Variants in SYPL2 observed in about 807,000 individuals in gnomAD.
SYPL2 encodes synaptophysin-like protein 2.
A neutral mutation model predicts 31.3 loss-of-function variants in SYPL2; 24 were observed. That is an observed-to-expected ratio of 0.77 (90% CI 0.56 to 1.08). The LOEUF is 1.08. Ranked by LOEUF, SYPL2 falls within the 50% of genes least tolerant of loss-of-function variation. The pLI is 0.00. For synonymous variants in SYPL2, 144 were observed against 143.1 expected (o/e 1.01, Z -0.05); for missense variants, 342 against 360.1 (o/e 0.95, Z 0.41).
chr1:109,466,921 C>T lies in SYPL2; in HGVS notation c.54+24C>T, dbSNP rs879334586. ...AGGTAGTCCCTGCGCGCCCAGGACTCTCACCCGCCCCTCTCCACCTAGATG... is the reference window on the plus strand; with the variant it reads ...AGGTAGTCCCTGCGCGCCCAGGACTTTCACCCGCCCCTCTCCACCTAGATG... On this transcript the variant is annotated intron_variant, in intron 1 of 5. Transcript: ENST00000369872. 11 of 1,531,574 alleles carry T rather than the reference C, an allele frequency of 7.2e-6. No individual in the cohort carries two copies. The African/African-American group carries it at 8.3e-5, about 12-fold the overall frequency. 94.9% of individuals were successfully genotyped at this position (1,531,574 alleles called of 1,614,324 possible). A position where few individuals can be genotyped will look rare whatever the true frequency, so the allele number is the denominator to read the frequency against.
Position 109,478,693 on chromosome 1 carries a change from A to C in SYPL2, c.648+684A>C, listed in dbSNP as rs569259777. On this transcript the variant is annotated intron_variant, in intron 5 of 5. Transcript: ENST00000369872. This position sits in a 1 kb window ranked among gnomAD's most constrained non-coding sequence, Gnocchi z 4.0. ...GGAACCCTGCTTATGGTTCCCCCCC[A>C]AAAAAATTTTATTGTAGAAATGTTC... 2.0e-5 allele frequency among the ~76,000 whole-genome samples: 3 copies of C among 152,062 alleles called. No individual in the cohort carries two copies. Among genetic ancestry groups the C allele is most frequent in the Non-Finnish European group, 2.9e-5 (2 of 68,008 alleles).
At chr1:109,468,787 C>T (rs1655737068) in intron 2 of SYPL2, among the ~76,000 whole-genome samples, 1 of 152,216 alleles carries the variant, frequency 6.6e-6, no homozygotes, top group Admixed American at 6.5e-5. Flanking sequence ...CTTCCCTCCA[C>T]GCAGCACTCC....
chr1:109,469,335 T>TGTTA (rs1478677928), intron 2 of SYPL2, among the ~76,000 whole-genome samples: 1 of 151,492 alleles, frequency 6.6e-6, no homozygotes, highest in Non-Finnish European at 1.5e-5. Context: ...AAGAAAGTAA[T>TGTTA]GTTATTCTTT....
chr1:109,473,433 G>C (rs778524255), intron 2 of SYPL2, among the ~76,000 whole-genome samples: 5 of 152,238 alleles, frequency 3.3e-5, no homozygotes, highest in Non-Finnish European at 7.3e-5. Context: ...ATGGAGATCT[G>C]CAAGGCCAGG....
At position 109,475,666 on chromosome 1, in the gene SYPL2, A is replaced by G; in HGVS notation, c.215A>G (p.Asp72Gly). ...GTTCGCTGCAACAACGAAGCCAAGGACGTGAGCTCCATCATCGTTGCATTT... is the reference window on the plus strand; with the variant it reads ...GTTCGCTGCAACAACGAAGCCAAGGGCGTGAGCTCCATCATCGTTGCATTT... Reference protein sequence around the residue: ...AMVRCNNEAKDVSSIIVAFGY... With the variant: ...AMVRCNNEAKGVSSIIVAFGY... The change falls in exon 3 of 6, where the codon GAC becomes GGC. Residue 72 changes from aspartate (D) to glycine (G), a missense_variant. Coordinates refer to ENST00000369872, the MANE Select transcript of SYPL2 (RefSeq NM_001040709.2). The G allele has an allele frequency of 8.7e-6, 14 of 1,614,134 alleles. No individual in the cohort carries two copies. The highest frequency in any genetic ancestry group is 1.2e-5 in the Non-Finnish European group (14 of 1,179,996).
At chr1:109,475,259 A>T in intron 2 of SYPL2, 1 of 210,688 alleles carries the variant, frequency 4.7e-6, no homozygotes, top group Non-Finnish European at 9.4e-6. Context: ...GTTTTGTGTT[A>T]GTCATCTTAA....
rs1656176325 is a variant in SYPL2, at chr1:109,482,052, G to A, written c.*2504G>A. 1 of 152,680 alleles carries A rather than the reference G, an allele frequency of 6.5e-6. No homozygotes were observed. Among genetic ancestry groups the A allele is most frequent in the Non-Finnish European group, 1.5e-5 (1 of 68,078 alleles). 9.5% of individuals were successfully genotyped at this position (152,680 alleles called of 1,614,324 possible). A position where few individuals can be genotyped will look rare whatever the true frequency, so the allele number is the denominator to read the frequency against. On this transcript the variant is annotated 3_prime_UTR_variant, in exon 6 of 6. Coordinates refer to ENST00000369872, the MANE Select transcript of SYPL2 (RefSeq NM_001040709.2). ...CTACTTCTGGGATTGCAGATCAGGG[G>A]TGGGGGGAGAATGTTGCATGTTGTT...
chr1:109,479,250 T>C (rs1656092224), intron 5 of SYPL2, 128 bp from the exon 6 acceptor site: 1 of 1,025,194 alleles, frequency 9.8e-7, no homozygotes, highest in South Asian at 1.5e-5. Flanking sequence ...CTCTCTGTCT[T>C]AGTCTTTCTA....
In SYPL2 at chr1:109,476,849, G is replaced by A; in HGVS notation, c.328G>A (p.Asp110Asn). Residue 110 changes from aspartate (D) to asparagine (N), a missense_variant, in exon 4 of 6, where the codon GAC becomes AAC. Physicochemically the swap from Asp to Asn is conservative, Grantham distance 23. Transcript: ENST00000369872. ...CTCCAAGACCATGCACCTCATGGGG[G>A]ACTTCTCTGCACCCGCCGAGTTCTT... ...SSSKTMHLMGDFSAPAEFFVT... is the reference protein window; with the variant it reads ...SSSKTMHLMGNFSAPAEFFVT... 1 of 1,614,176 alleles carries A rather than the reference G, an allele frequency of 6.2e-7. No homozygotes were observed. Among genetic ancestry groups the A allele is most frequent in the South Asian group, 1.1e-5 (1 of 91,080 alleles).
At chr1:109,471,436 G>T (rs547815264) in intron 2 of SYPL2, among the ~76,000 whole-genome samples, 6 of 152,244 alleles carry the variant, frequency 3.9e-5, no homozygotes, top group African/African-American at 9.6e-5. Context: ...ATTCAGGATT[G>T]TCAGAACCTC....
Position 109,479,869 on chromosome 1 carries a change from G to A in SYPL2, c.*321G>A, listed in dbSNP as rs747347610. 3.3e-6 allele frequency: 1 copy of A among 302,046 alleles called. No homozygotes were observed. Among genetic ancestry groups the A allele is most frequent in the Non-Finnish European group, 6.1e-6 (1 of 162,794 alleles). 18.7% of individuals were successfully genotyped at this position (302,046 alleles called of 1,614,324 possible). On this transcript the variant is annotated 3_prime_UTR_variant, in exon 6 of 6. Transcript: ENST00000369872. ...GCCTCTGCTGCAGGTGAGGGTTGGG[G>A]GCAGGAAACCAGTGCTCTGAGACTG...
intron 5 of SYPL2, 40 bp from the exon 6 acceptor site, chr1:109,479,338 C>A: frequency 1.2e-6 from 2 of 1,607,218 alleles, no homozygotes; most frequent in Non-Finnish European, 1.7e-6. Flanking sequence ...CCACAATGAC[C>A]CCCTGACTAT....
intron 2 of SYPL2, among the ~76,000 whole-genome samples, chr1:109,474,649 C>T (rs1386937168): frequency 1.3e-5 from 2 of 152,064 alleles, no homozygotes; most frequent in Non-Finnish European, 2.9e-5. Flanking sequence ...CCTCTCACCT[C>T]CTTTTCTAAC....
chr1:109,470,517 G>A (rs1416557613), intron 2 of SYPL2, among the ~76,000 whole-genome samples: 3 of 152,172 alleles, frequency 2.0e-5, no homozygotes, highest in Non-Finnish European at 2.9e-5. Flanking sequence ...GAAAATGACC[G>A]TCGCTGTCCC....
chr1:109,466,986 G>C (rs921015376), intron 1 of SYPL2, 73 bp from the exon 2 acceptor site: 3 of 1,536,594 alleles, frequency 2.0e-6, no homozygotes, highest in African/African-American at 2.7e-5. Context: ...CCGCGTGTGA[G>C]TGGGGCAAGG....
intron 2 of SYPL2, among the ~76,000 whole-genome samples, chr1:109,473,194 G>A (rs1052738453): frequency 1.3e-5 from 2 of 152,192 alleles, no homozygotes; most frequent in African/African-American, 4.8e-5. Flanking sequence ...ATGATGCAGA[G>A]GCTTCGAGTG....
In SYPL2 at chr1:109,466,728, G is replaced by C; in HGVS notation, c.-116G>C. 8.5e-7 allele frequency: 1 copy of C among 1,171,374 alleles called. No homozygotes were observed. Among genetic ancestry groups the C allele is most frequent in the East Asian group, 3.3e-5 (1 of 30,572 alleles). The allele number at this position is 1,171,374 out of a possible 1,614,324, so 72.6% of individuals were successfully genotyped here. On this transcript the variant is annotated 5_prime_UTR_variant, in exon 1 of 6. Coordinates refer to ENST00000369872, the MANE Select transcript of SYPL2 (RefSeq NM_001040709.2). Reference sequence around the variant, plus strand: ...GCCCACCGACGGCCGCTCGCGCTCCGGCCCCGCTCGCCTGCTCTGCCCCGG... The same window carrying C: ...GCCCACCGACGGCCGCTCGCGCTCCCGCCCCGCTCGCCTGCTCTGCCCCGG...
intron 4 of SYPL2, 110 bp downstream of exon 4, chr1:109,477,087 G>A (rs944409566): frequency 1.2e-5 from 16 of 1,317,818 alleles, no homozygotes; most frequent in Admixed American, 2.0e-5. Flanking sequence ...CCCCCATGGT[G>A]GAACCTCTGC....
chr1:109,467,045 CTG>C lies in SYPL2; in HGVS notation c.55-10_55-9del, dbSNP rs1655665146. ...CCCACCGCCCTGACCCCCCGGCCGG[CTG>C]TGTCTCCGCAGGTGGACCGCCTACT... On this transcript the variant is annotated splice_polypyrimidine_tract_variant and intron_variant, in intron 1 of 5. Transcript: ENST00000369872. The C allele has an allele frequency of 1.3e-6, 2 of 1,543,830 alleles. No individual in the cohort carries two copies. Among genetic ancestry groups the C allele is most frequent in the South Asian group, 2.4e-5 (2 of 83,878 alleles).
Sources: allele counts gnomAD v4.1 joint callset (sites outside exome capture counted in the v4.1 genomes callset), GRCh38; gene constraint gnomAD v4.1.1; non-coding constraint Gnocchi (gnomAD v3.1); transcripts MANE v1.5; gene names NCBI Gene and HGNC (gene_info 2026-07-23, HGNC 2026-07-21).